The following SKIC3 variants were observed in gnomAD, a reference collection of about 807,000 sequenced individuals.
SKIC3 encodes the protein SKI3 subunit of superkiller complex.
the SKIC3 span, among the ~76,000 whole-genome samples, chr5:95,504,293 A>G: frequency 2.0e-5 from 3 of 149,720 alleles, no homozygotes; most frequent in African/African-American, 7.6e-5. Context: ...CCGAGATTGC[A>G]CCACTGCACT....
the SKIC3 span, chr5:95,517,431 GTC>G: frequency 8.1e-7 from 1 of 1,237,794 alleles, no homozygotes. Context: ...TACTTTACTA[GTC>G]TCCTCCTAAC....
chr5:95,524,870 A>G, the SKIC3 span, among the ~76,000 whole-genome samples: 2 of 151,908 alleles, frequency 1.3e-5, no homozygotes, highest in Admixed American at 1.3e-4. Flanking sequence ...GAACATTATG[A>G]TCAGCTGATT....
At chr5:95,490,977 A>C in the SKIC3 span, 2 of 1,614,148 alleles carry the variant, frequency 1.2e-6, no homozygotes, top group Non-Finnish European at 1.7e-6. Flanking sequence ...TTGTTCACTA[A>C]GGCCAGTTTA....
chr5:95,528,152 G>A, the SKIC3 span: 4 of 1,613,534 alleles, frequency 2.5e-6, no homozygotes, highest in Non-Finnish European at 3.4e-6. Flanking sequence ...GATCTTCAGA[G>A]CTGACAAAAT....
At chr5:95,490,500 A>T in the SKIC3 span, among the ~76,000 whole-genome samples, 104 of 136,042 alleles carry the variant, frequency 7.6e-4, no homozygotes, top group East Asian at 7.1e-3. Flanking sequence ...ATATATATAT[A>T]TATATTTTTT....
chr5:95,525,567 G>A, the SKIC3 span: 3 of 1,613,916 alleles, frequency 1.9e-6, no homozygotes, highest in African/African-American at 2.7e-5. Flanking sequence ...AAAATGCTCA[G>A]TTTGAATAAA....
At chr5:95,512,756 T>C in the SKIC3 span, 1 of 939,428 alleles carries the variant, frequency 1.1e-6, no homozygotes. Flanking sequence ...AAAAGTACCT[T>C]TAAATGAAGG....
the SKIC3 span, among the ~76,000 whole-genome samples, chr5:95,506,312 A>C: frequency 6.6e-6 from 1 of 152,200 alleles, no homozygotes; most frequent in Non-Finnish European, 1.5e-5. Context: ...ATCAAAGTAT[A>C]GTTCTAACAG....
chr5:95,494,991 A>G, the SKIC3 span: 1 of 1,613,848 alleles, frequency 6.2e-7, no homozygotes, highest in East Asian at 2.2e-5. Flanking sequence ...CCAGAATATG[A>G]GCCACATTTC....
At chr5:95,514,190 AC>A in the SKIC3 span, among the ~76,000 whole-genome samples, 1 of 152,232 alleles carries the variant, frequency 6.6e-6, no homozygotes, top group African/African-American at 2.4e-5. Flanking sequence ...CTGACTGCTT[AC>A]TAATTCATTA....
the SKIC3 span, among the ~76,000 whole-genome samples, chr5:95,524,243 C>T: frequency 6.6e-6 from 1 of 152,112 alleles, no homozygotes; most frequent in African/African-American, 2.4e-5. Context: ...ATAATTATGT[C>T]TCGTTTTCTA....
chr5:95,520,764 T>A, the SKIC3 span: 2 of 1,612,166 alleles, frequency 1.2e-6, no homozygotes, highest in African/African-American at 1.3e-5. Context: ...GGCTTTTCCA[T>A]CAAGATAATC....
chr5:95,478,176 A>G, the SKIC3 span: 1 of 1,259,468 alleles, frequency 7.9e-7, no homozygotes, highest in Non-Finnish European at 1.1e-6. Context: ...AAGCCACACT[A>G]GAACACAATG....
the SKIC3 span, among the ~76,000 whole-genome samples, chr5:95,469,378 C>G: frequency 6.6e-6 from 1 of 152,084 alleles, no homozygotes; most frequent in African/African-American, 2.4e-5. Context: ...TTACTTTTTT[C>G]ATAGCTTATA....
chr5:95,539,843 C>CAAAAA, the SKIC3 span, among the ~76,000 whole-genome samples: 2 of 107,696 alleles, frequency 1.9e-5, no homozygotes, highest in Non-Finnish European at 1.9e-5. Context: ...CACTCTGCCT[C>CAAAAA]AAAAAAAAAA....
At chr5:95,482,698 A>G in the SKIC3 span, 13 of 1,572,278 alleles carry the variant, frequency 8.3e-6, no homozygotes, top group African/African-American at 1.1e-4. Flanking sequence ...AAAAAGCATT[A>G]TTCTCCAAGT....
At chr5:95,513,479 C>T in the SKIC3 span, 8 of 1,360,250 alleles carry the variant, frequency 5.9e-6, no homozygotes, top group Non-Finnish European at 8.3e-6. Context: ...AGGCATAAGC[C>T]ACTATGCCTA....
At chr5:95,466,070 GT>G in the SKIC3 span, among the ~76,000 whole-genome samples, 1 of 152,110 alleles carries the variant, frequency 6.6e-6, no homozygotes. Flanking sequence ...AAGGCAAACA[GT>G]ATTTCAAAAT....
chr5:95,522,343 T>C, the SKIC3 span: 1 of 1,607,604 alleles, frequency 6.2e-7, no homozygotes, highest in African/African-American at 1.3e-5. Flanking sequence ...ACTAAAAGTA[T>C]GGAACTATCT....
Sources: allele counts gnomAD v4.1 joint callset (sites outside exome capture counted in the v4.1 genomes callset), GRCh38; gene constraint gnomAD v4.1.1; transcripts MANE v1.5; gene names NCBI Gene and HGNC (gene_info 2026-07-23, HGNC 2026-07-21).